Variants in KLHL5 observed in about 807,000 individuals in gnomAD.
KLHL5 encodes the protein kelch-like protein 5.
A neutral mutation model predicts 77.7 loss-of-function variants in KLHL5; 48 were observed. That is an observed-to-expected ratio of 0.62 (90% CI 0.49 to 0.79). The LOEUF is 0.79. Among genes scored for constraint, KLHL5 ranks in the 30% least tolerant of loss-of-function variants. The pLI is 0.00. For synonymous variants in KLHL5, 260 were observed against 297.0 expected (o/e 0.88, Z 1.28); for missense variants, 723 against 859.7 (o/e 0.84, Z 1.99).
intron 1 of KLHL5, chr4:39,063,883 A>G (rs559217502): frequency 4.4e-4 from 69 of 156,034 alleles, no homozygotes; most frequent in Non-Finnish European, 8.7e-4. Context: ...AGTTTAAACT[A>G]CAATAAGATT....
chr4:39,105,966 T>A (rs764296115), intron 7 of KLHL5, among the ~76,000 whole-genome samples: 2 of 152,168 alleles, frequency 1.3e-5, no homozygotes, highest in African/African-American at 2.4e-5. Flanking sequence ...CTGGCCATGA[T>A]CATGTCGCAC....
At chr4:39,080,416 C>T (rs1264823991) in intron 2 of KLHL5, among the ~76,000 whole-genome samples, 1 of 151,950 alleles carries the variant, frequency 6.6e-6, no homozygotes, top group South Asian at 2.1e-4. Context: ...ATCCCAGCTA[C>T]TCAGGAGGCT....
chr4:39,044,837 C>T (rs1327228336), upstream of KLHL5: 5 of 523,050 alleles, frequency 9.6e-6, no homozygotes, highest in East Asian at 4.5e-4. Flanking sequence ...AACCGGTCCC[C>T]TACCCCCACC....
chr4:39,051,097 T>G (rs1716608128), intron 1 of KLHL5, among the ~76,000 whole-genome samples: 1 of 152,186 alleles, frequency 6.6e-6, no homozygotes, highest in South Asian at 2.1e-4. Flanking sequence ...TCCAAACTGG[T>G]CTCCTAGACA....
At chr4:39,063,131 A>G in intron 1 of KLHL5, 96 bp downstream of exon 1, 1 of 849,542 alleles carries the variant, frequency 1.2e-6, no homozygotes, top group Non-Finnish European at 1.7e-6. Context: ...ATCTGATTAT[A>G]TATGTACATC....
chr4:39,050,200 T>C (rs1716531149), intron 1 of KLHL5, among the ~76,000 whole-genome samples: 1 of 152,218 alleles, frequency 6.6e-6, no homozygotes, highest in Non-Finnish European at 1.5e-5. Context: ...TACACACATA[T>C]ATAAAATAGT....
intron 5 of KLHL5, among the ~76,000 whole-genome samples, chr4:39,094,172 C>T (rs1369748227): frequency 6.6e-6 from 1 of 151,976 alleles, no homozygotes; most frequent in Non-Finnish European, 1.5e-5. Context: ...ATTTGCATAA[C>T]ACGTAGAGTT....
At chr4:39,050,848 T>C (rs1000651206) in intron 1 of KLHL5, among the ~76,000 whole-genome samples, 1 of 152,224 alleles carries the variant, frequency 6.6e-6, no homozygotes, top group Non-Finnish European at 1.5e-5. Context: ...AAGGTATAAC[T>C]GGATCTGACT....
At position 39,103,407 on chromosome 4, in the gene KLHL5, G is replaced by A; in HGVS notation, c.1421G>A (p.Gly474Glu). The A allele has an allele frequency of 1.2e-6, 2 of 1,614,144 alleles. No homozygotes were observed. Among genetic ancestry groups the A allele is most frequent in the Middle Eastern group, 1.6e-4 (1 of 6,062 alleles). The change falls in exon 7 of 11, where the codon GGA becomes GAA. Residue 474 changes from glycine (G) to glutamate (E), a missense_variant. This residue lies in a region of KLHL5 where 288 missense variants were observed against 400.3 expected (regional missense o/e 0.72). Coordinates refer to ENST00000504108, the MANE Select transcript of KLHL5 (RefSeq NM_015990.5). Reference sequence around the variant, plus strand: ...CTAGATGACAAACTGTATGTGGTTGGAGGAAGAGATGGACTGAAGACTTTG... The same window carrying A: ...CTAGATGACAAACTGTATGTGGTTGAAGGAAGAGATGGACTGAAGACTTTG... ...AVLDDKLYVVGGRDGLKTLNT... is the reference protein window; with the variant it reads ...AVLDDKLYVVEGRDGLKTLNT...
chr4:39,074,448 G>A (rs572000711), intron 1 of KLHL5, among the ~76,000 whole-genome samples: 1 of 152,240 alleles, frequency 6.6e-6, no homozygotes, highest in South Asian at 2.1e-4. Flanking sequence ...CCCGTGTATA[G>A]AGAAAGAAAA....
At chr4:39,051,602 G>C (rs983382520) in intron 1 of KLHL5, among the ~76,000 whole-genome samples, 1 of 152,198 alleles carries the variant, frequency 6.6e-6, no homozygotes, top group Non-Finnish European at 1.5e-5. Flanking sequence ...TCCTCAGTGG[G>C]AGTGATTTTC....
chr4:39,100,160 G>A (rs1364517112), intron 6 of KLHL5, among the ~76,000 whole-genome samples: 1 of 152,178 alleles, frequency 6.6e-6, no homozygotes, highest in African/African-American at 2.4e-5. Context: ...CAAGGAAAAT[G>A]CGTATCTGTC....
At chr4:39,088,648 C>T (rs184228752) in intron 5 of KLHL5, among the ~76,000 whole-genome samples, 76 of 152,200 alleles carry the variant, frequency 5.0e-4, no homozygotes, top group Admixed American at 4.5e-3. Context: ...GAGATGAAGA[C>T]TGTGACAGAT....
At chr4:39,113,273 A>T (rs375759534) in intron 9 of KLHL5, 41 bp downstream of exon 9, 97 of 1,489,960 alleles carry the variant, frequency 6.5e-5, no homozygotes, top group Non-Finnish European at 8.6e-5. Context: ...AAAAAGATAT[A>T]TATAAGTCTC....
chr4:39,076,770 T>G (rs1577673485), intron 2 of KLHL5, among the ~76,000 whole-genome samples: 1 of 141,724 alleles, frequency 7.1e-6, no homozygotes, highest in Non-Finnish European at 1.5e-5. Context: ...TGGATGCCCA[T>G]CAAAACTAAT....
At chr4:39,139,107 C>T in the KLHL5 span, among the ~76,000 whole-genome samples, 9 of 151,996 alleles carry the variant, frequency 5.9e-5, no homozygotes, top group African/African-American at 2.2e-4. Flanking sequence ...CATGGTGAAA[C>T]CCCCTCTCTA....
chr4:39,103,244 G>T (rs1261843700), intron 6 of KLHL5, 43 bp from the exon 7 acceptor site: 1 of 1,327,568 alleles, frequency 7.5e-7, no homozygotes, highest in Admixed American at 2.0e-5. Flanking sequence ...TACCAATCAT[G>T]GTATAATTTC....
chr4:39,094,296 A>G (rs1401178375), intron 5 of KLHL5, among the ~76,000 whole-genome samples: 2 of 152,044 alleles, frequency 1.3e-5, no homozygotes, highest in East Asian at 3.9e-4. Flanking sequence ...TAGCAATGAA[A>G]ATAATAAAAT....
rs368928021 is a variant in KLHL5, at chr4:39,113,055, G to A, written c.1724G>A (p.Cys575Tyr). ...GTTGGTGGTCGTGATGGAAGTTCTTGTCTCAAATCAGTAGAATGTTTTGAT... is the reference window on the plus strand; with the variant it reads ...GTTGGTGGTCGTGATGGAAGTTCTTATCTCAAATCAGTAGAATGTTTTGAT... ...YAVGGRDGSS[C>Y]LKSVECFDPH... The change falls in exon 9 of 11, where the codon TGT becomes TAT. Residue 575 changes from cysteine to tyrosine, a missense_variant. Cys to Tyr is a radical substitution (Grantham distance 194, BLOSUM62 -2). Transcript: ENST00000504108. 4 of 1,613,598 alleles carry A rather than the reference G, an allele frequency of 2.5e-6. No individual in the cohort carries two copies. The African/African-American group carries it at 4.0e-5, about 16-fold the overall frequency.
Sources: allele counts gnomAD v4.1 joint callset (sites outside exome capture counted in the v4.1 genomes callset), GRCh38; gene constraint gnomAD v4.1.1; regional missense constraint gnomAD v4.1.1; transcripts MANE v1.5; gene names NCBI Gene and HGNC (gene_info 2026-07-23, HGNC 2026-07-21).